PARD3: variants seen among roughly 807,000 people sequenced by gnomAD.
PARD3 encodes partitioning defective 3 homolog.
PARD3 carries 75 observed loss-of-function variants against 155.4 expected under a neutral mutation model. The observed-to-expected ratio is 0.48, with a 90% CI of 0.40 to 0.58. The LOEUF is 0.58. PARD3 is among the 20% of genes least tolerant of loss of function. The probability of loss-of-function intolerance (pLI) is 0.00; values close to 1 mark genes in which losing one functional copy is unlikely to be tolerated. For missense variants in PARD3, 1,642 were observed against 1,721.7 expected (o/e 0.95, Z 0.82); for synonymous variants, 576 against 610.5 (o/e 0.94, Z 0.83).
At chr10:34,267,547 G>A (rs1289911146) in intron 22 of PARD3, among the ~76,000 whole-genome samples, 1 of 152,156 alleles carries the variant, frequency 6.6e-6, no homozygotes, top group Admixed American at 6.5e-5. Flanking sequence ...TCTGGCTATA[G>A]CATTTCACCT....
intron 1 of PARD3, among the ~76,000 whole-genome samples, chr10:34,812,355 A>G (rs1844293162): frequency 6.6e-6 from 1 of 152,212 alleles, no homozygotes. Context: ...CATGTCACCT[A>G]GCAACCTAAA....
chr10:34,383,526 G>A (rs1589382664), intron 8 of PARD3, among the ~76,000 whole-genome samples: 2 of 152,270 alleles, frequency 1.3e-5, no homozygotes, highest in Middle Eastern at 3.4e-3. Context: ...GTGGGTCACA[G>A]TGCACCCATA....
Position 34,561,504 on chromosome 10 carries a change from A to G in PARD3, c.223-44345T>C, listed in dbSNP as rs957552337. Among the ~76,000 whole-genome samples the G allele has an allele frequency of 2.6e-5, 4 of 151,862 alleles. 1 individual carries two copies. In the South Asian group the frequency reaches 8.3e-4, roughly 32 times the overall value. ...GATGTCTTAGGAAGCTGTAACGCACATTTATTTTTTTTTAATTTATTTATT... is the reference window on the plus strand; with the variant it reads ...GATGTCTTAGGAAGCTGTAACGCACGTTTATTTTTTTTTAATTTATTTATT... On this transcript the variant is annotated intron_variant, in intron 2 of 24. Transcript: ENST00000374788.
At chr10:34,717,336 A>T (rs892597876) in intron 1 of PARD3, among the ~76,000 whole-genome samples, 2 of 152,170 alleles carry the variant, frequency 1.3e-5, no homozygotes, top group Non-Finnish European at 2.9e-5. Flanking sequence ...AAAATTAAAC[A>T]AACTCCAGGC....
chr10:34,413,939 G>A (rs1845386607), intron 5 of PARD3, among the ~76,000 whole-genome samples: 1 of 152,180 alleles, frequency 6.6e-6, no homozygotes, highest in South Asian at 2.1e-4. Context: ...CAAGGTCAAA[G>A]AGATTAATAG....
At chr10:34,722,692 C>A (rs1454626309) in intron 1 of PARD3, among the ~76,000 whole-genome samples, 1 of 152,200 alleles carries the variant, frequency 6.6e-6, no homozygotes, top group Non-Finnish European at 1.5e-5. Context: ...ATCTCAAAAA[C>A]ATTTAACTTC....
intron 3 of PARD3, among the ~76,000 whole-genome samples, chr10:34,504,096 A>G (rs894396749): frequency 5.9e-5 from 9 of 152,062 alleles, no homozygotes; most frequent in African/African-American, 2.2e-4. Flanking sequence ...GCACTTCCAC[A>G]TTCACAAGCC....
rs903486284 is a variant in PARD3, at chr10:34,815,257, G to C, written c.-262C>G. 2.0e-5 allele frequency: 3 copies of C among 153,780 alleles called. No homozygotes were observed. Among genetic ancestry groups the C allele is most frequent in the African/African-American group, 7.3e-5 (3 of 41,058 alleles). 9.5% of individuals were successfully genotyped at this position (153,780 alleles called of 1,614,324 possible). On this transcript the variant is annotated 5_prime_UTR_variant, in exon 1 of 25. Transcript: ENST00000374788. ...CCCGCAGCCTCCGGCCACCTGTTCG[G>C]CGTCGCGGCGCGCTCGCCGGCGGCT...
intron 2 of PARD3, among the ~76,000 whole-genome samples, chr10:34,642,533 C>T (rs2092710584): frequency 6.6e-6 from 1 of 152,094 alleles, no homozygotes; most frequent in Non-Finnish European, 1.5e-5. Context: ...CCCCAGGCCT[C>T]TCCTAAGCCC....
chr10:34,766,036 C>G (rs567686522), intron 1 of PARD3, among the ~76,000 whole-genome samples: 2 of 152,324 alleles, frequency 1.3e-5, no homozygotes, highest in East Asian at 1.9e-4. Context: ...AATAGGGAAT[C>G]TGAAGAATCA....
At position 34,410,700 on chromosome 10, in the gene PARD3, C is replaced by T. The variant is rs569031534; in HGVS notation, c.715-8783G>A. ...TTGGGACACAATTCTCCATTTGTCTCTTGCAAATCTGCATGTCTTATAAAC... is the reference window on the plus strand; with the variant it reads ...TTGGGACACAATTCTCCATTTGTCTTTTGCAAATCTGCATGTCTTATAAAC... On this transcript the variant is annotated intron_variant, in intron 5 of 24. Coordinates refer to ENST00000374788, the MANE Select transcript of PARD3 (RefSeq NM_001184785.2). Among the ~76,000 whole-genome samples the T allele has an allele frequency of 6.6e-5, 10 of 152,320 alleles. No homozygotes were observed. In the South Asian group the frequency reaches 1.9e-3, roughly 28 times the overall value.
At chr10:34,406,256 T>A (rs1404535730) in intron 5 of PARD3, among the ~76,000 whole-genome samples, 4 of 152,128 alleles carry the variant, frequency 2.6e-5, no homozygotes, top group African/African-American at 9.7e-5. Flanking sequence ...CTCAAAAAGA[T>A]CAAGCATGAA....
At chr10:34,654,611 A>C (rs1040270041) in intron 2 of PARD3, among the ~76,000 whole-genome samples, 12 of 152,180 alleles carry the variant, frequency 7.9e-5, no homozygotes, top group Admixed American at 7.8e-4. Context: ...GAACACAAAA[A>C]CCAATCACAA....
intron 4 of PARD3, among the ~76,000 whole-genome samples, chr10:34,451,870 A>G (rs1473036856): frequency 1.3e-5 from 2 of 151,830 alleles, no homozygotes; most frequent in African/African-American, 4.8e-5. Context: ...GTATCTCAAG[A>G]TACTAAGAGT....
At chr10:34,162,964 G>A (rs73266856) in intron 22 of PARD3, among the ~76,000 whole-genome samples, 10,904 of 152,022 alleles carry the variant, frequency 0.072, 1,015 homozygotes, top group East Asian at 0.3. Flanking sequence ...GGCTGGACAT[G>A]GTTCAAAAAT....
chr10:34,695,524 G>A (rs994924636), intron 2 of PARD3, among the ~76,000 whole-genome samples: 5 of 147,924 alleles, frequency 3.4e-5, no homozygotes, highest in Admixed American at 1.3e-4. Flanking sequence ...ATCCAGAGCC[G>A]AACATCCTGT....
At chr10:34,646,122 T>A (rs1313425585) in intron 2 of PARD3, among the ~76,000 whole-genome samples, 1 of 152,226 alleles carries the variant, frequency 6.6e-6, no homozygotes, top group Non-Finnish European at 1.5e-5. Flanking sequence ...TTATCATATG[T>A]AACCACTCAC....
At position 34,767,347 on chromosome 10, in the gene PARD3, G is replaced by A. The variant is rs574027974; in HGVS notation, c.120+47529C>T. The stretch of plus-strand genomic sequence containing the variant: ...CCTGATGGCACAGCAGCTGGGAAGC[G>A]TCGCTACCTGAGAACTCGCCATGTT... On this transcript the variant is annotated intron_variant, in intron 1 of 24. Coordinates refer to ENST00000374788, the MANE Select transcript of PARD3 (RefSeq NM_001184785.2). 4.6e-5 allele frequency among the ~76,000 whole-genome samples: 7 copies of A among 152,174 alleles called. No homozygotes were observed. The East Asian group carries it at 7.8e-4, about 17-fold the overall frequency.
intron 22 of PARD3, among the ~76,000 whole-genome samples, chr10:34,163,199 T>A (rs914567181): frequency 5.9e-5 from 9 of 152,104 alleles, no homozygotes; most frequent in Admixed American, 5.9e-4. Context: ...CGTATTCACC[T>A]AGGAAGTTAA....
Sources: allele counts gnomAD v4.1 joint callset (sites outside exome capture counted in the v4.1 genomes callset), GRCh38; gene constraint gnomAD v4.1.1; transcripts MANE v1.5; gene names NCBI Gene and HGNC (gene_info 2026-07-23, HGNC 2026-07-21).